The following NRG2 variants were observed in gnomAD, a reference collection of about 807,000 sequenced individuals.
The protein encoded by NRG2 is pro-neuregulin-2, membrane-bound isoform.
NRG2 carries 27 observed loss-of-function variants against 73.9 expected under a neutral mutation model. The observed-to-expected ratio is 0.37, with a 90% CI of 0.27 to 0.50. The LOEUF is 0.50. Ranked by LOEUF, NRG2 falls within the 20% of genes least tolerant of loss-of-function variation. NRG2 has a pLI of 0.96. For missense variants in NRG2, 1,126 were observed against 1,210.1 expected (o/e 0.93, Z 1.03); for synonymous variants, 532 against 541.0 (o/e 0.98, Z 0.23).
At position 139,856,530 on chromosome 5, in the gene NRG2, T is replaced by C. The variant is rs1189185960; in HGVS notation, c.1190-752A>G. 1.3e-5 allele frequency: 2 copies of C among 152,344 alleles called. No individual in the cohort carries two copies. The allele number at this position is 152,344 out of a possible 1,614,324, so 9.4% of individuals were successfully genotyped here. ...AAGTAAAAGGTGACAGCGCTAGCTG[T>C]AGTCAAGGCTACAGCCCGGAGACCC... On this transcript the variant is annotated intron_variant, in intron 5 of 9. Transcript: ENST00000361474. The surrounding 1 kb of genome is among the most constrained non-coding windows in gnomAD (Gnocchi z 4.2).
At chr5:139,867,762 C>CTGTT (rs1554101256) in intron 4 of NRG2, among the ~76,000 whole-genome samples, 1 of 128,774 alleles carries the variant, frequency 7.8e-6, no homozygotes, top group Non-Finnish European at 1.6e-5. Flanking sequence ...GAAGGGAAAC[C>CTGTT]TGTGTGTGTG....
intron 4 of NRG2, among the ~76,000 whole-genome samples, chr5:139,867,285 A>G (rs1762523860): frequency 6.6e-6 from 1 of 152,160 alleles, no homozygotes; most frequent in Admixed American, 6.5e-5. Flanking sequence ...CAGGGGAGGC[A>G]GGAGGTTTGT....
intron 1 of NRG2, among the ~76,000 whole-genome samples, chr5:140,006,994 T>C (rs577922282): frequency 4.0e-4 from 61 of 152,306 alleles, no homozygotes; most frequent in Admixed American, 1.4e-3. Flanking sequence ...GTGGTAACTC[T>C]AGAATAGTGG....
At position 139,871,858 on chromosome 5, in the gene NRG2, C is replaced by A; in HGVS notation, c.992-17G>T. 6.2e-7 allele frequency: 1 copy of A among 1,612,610 alleles called. No individual in the cohort carries two copies. Among genetic ancestry groups the A allele is most frequent in the Non-Finnish European group, 8.5e-7 (1 of 1,179,040 alleles). ...TGGTGCTCACTGAGGGTATGAGAGACATGTGCCAGTGACGCACTGAGACTA... is the reference window on the plus strand; with the variant it reads ...TGGTGCTCACTGAGGGTATGAGAGAAATGTGCCAGTGACGCACTGAGACTA... On this transcript the variant is annotated splice_polypyrimidine_tract_variant and intron_variant, in intron 3 of 9. Transcript: ENST00000361474.
At chr5:140,041,862 G>A (rs1761948216) in intron 1 of NRG2, among the ~76,000 whole-genome samples, 3 of 152,138 alleles carry the variant, frequency 2.0e-5, no homozygotes, top group African/African-American at 7.2e-5. Flanking sequence ...GGAGAGGAAG[G>A]AGGGGGCGGG....
At chr5:139,914,465 C>T (rs576766106) in intron 1 of NRG2, among the ~76,000 whole-genome samples, 3 of 152,172 alleles carry the variant, frequency 2.0e-5, no homozygotes, top group Non-Finnish European at 4.4e-5. Context: ...ACCTTCCTCT[C>T]GCTGCTTTCC....
At chr5:139,979,429 A>T (rs1481428611) in intron 1 of NRG2, among the ~76,000 whole-genome samples, 1 of 152,126 alleles carries the variant, frequency 6.6e-6, no homozygotes, top group Non-Finnish European at 1.5e-5. Flanking sequence ...CCAAAATGAG[A>T]GACGTGGTCG....
At chr5:139,995,563 G>A (rs746657959) in intron 1 of NRG2, among the ~76,000 whole-genome samples, 3 of 152,194 alleles carry the variant, frequency 2.0e-5, no homozygotes, top group Admixed American at 6.5e-5. Flanking sequence ...GGAGCGGGCA[G>A]GCTCCCCAGT....
At chr5:139,966,182 C>A (rs769835120) in intron 1 of NRG2, among the ~76,000 whole-genome samples, 1 of 152,056 alleles carries the variant, frequency 6.6e-6, no homozygotes, top group Non-Finnish European at 1.5e-5. Context: ...CCATTGCCAA[C>A]GAAACACAGG....
At chr5:139,955,161 G>A (rs933897938) in intron 1 of NRG2, among the ~76,000 whole-genome samples, 2 of 152,208 alleles carry the variant, frequency 1.3e-5, no homozygotes, top group African/African-American at 4.8e-5. Flanking sequence ...GTAAAAGGCA[G>A]TTACAGGGTG....
At chr5:140,032,632 T>C (rs1761238123) in intron 1 of NRG2, among the ~76,000 whole-genome samples, 2 of 152,190 alleles carry the variant, frequency 1.3e-5, no homozygotes, top group Non-Finnish European at 1.5e-5. Flanking sequence ...CTTCACCATA[T>C]TTTAAATTAC....
chr5:139,887,612 G>A lies in NRG2; in HGVS notation c.701-101C>T. ...GCCACTGTCTTTGGGCTGGAACTGG[G>A]GAAGGGAAGGGTGATCCTGAGAGCC... On this transcript the variant is annotated intron_variant, in intron 1 of 9. Transcript: ENST00000361474. The surrounding 1 kb of genome is among the most constrained non-coding windows in gnomAD (Gnocchi z 4.5). The A allele has an allele frequency of 9.5e-7, 1 of 1,052,472 alleles. No individual in the cohort carries two copies. The highest frequency in any genetic ancestry group is 1.4e-6 in the Non-Finnish European group (1 of 712,504). The allele number at this position is 1,052,472 out of a possible 1,614,324, so 65.2% of individuals were successfully genotyped here. A position where few individuals can be genotyped will look rare whatever the true frequency, so the allele number is the denominator to read the frequency against.
At chr5:139,913,071 A>G (rs747376402) in intron 1 of NRG2, among the ~76,000 whole-genome samples, 1 of 152,090 alleles carries the variant, frequency 6.6e-6, no homozygotes, top group Non-Finnish European at 1.5e-5. Context: ...CAGTCTGTGG[A>G]TGTATGTGGG....
Position 139,865,041 on chromosome 5 carries a change from G to T in NRG2, c.1189+508C>A. 1.5e-6 allele frequency: 2 copies of T among 1,309,350 alleles called. No individual in the cohort carries two copies. Among genetic ancestry groups the T allele is most frequent in the Non-Finnish European group, 2.2e-6 (2 of 902,830 alleles). The allele number at this position is 1,309,350 out of a possible 1,614,324, so 81.1% of individuals were successfully genotyped here. ...CTACATCTCCCCCTAGTCTTGCTAA[G>T]CAAGGCCCCATCCCTCCCCAGGGGG... is the stretch of plus-strand genomic sequence containing the variant. On this transcript the variant is annotated intron_variant, in intron 5 of 9. Coordinates refer to ENST00000361474, the MANE Select transcript of NRG2 (RefSeq NM_004883.3). This position sits in a 1 kb window ranked among gnomAD's most constrained non-coding sequence, Gnocchi z 5.2.
intron 1 of NRG2, among the ~76,000 whole-genome samples, chr5:139,895,074 T>TTAAAGCTTCACCTGCCC (rs1764465352): frequency 6.6e-6 from 1 of 152,192 alleles, no homozygotes; most frequent in Admixed American, 6.5e-5. Context: ...GATTCCTGCC[T>TTAAAGCTTCACCTGCCC]TAAAGCTTCA....
chr5:139,858,118 T>C (rs907519098), intron 5 of NRG2, among the ~76,000 whole-genome samples: 1 of 152,224 alleles, frequency 6.6e-6, no homozygotes, highest in Non-Finnish European at 1.5e-5. Context: ...GTGACTCAAA[T>C]GCAACCCAAA....
At chr5:139,945,291 C>T (rs1027280504) in intron 1 of NRG2, among the ~76,000 whole-genome samples, 2 of 151,768 alleles carry the variant, frequency 1.3e-5, no homozygotes, top group Admixed American at 6.6e-5. Context: ...TTGCTTTTGT[C>T]GCCTGTCTTA....
At position 139,945,212 on chromosome 5, in the gene NRG2, C is replaced by T. The variant is rs553375731; in HGVS notation, c.701-57701G>A. 3.9e-5 allele frequency among the ~76,000 whole-genome samples: 6 copies of T among 152,142 alleles called. No individual in the cohort carries two copies. The East Asian group carries it at 9.6e-4, about 24-fold the overall frequency. On this transcript the variant is annotated intron_variant, in intron 1 of 9. Transcript: ENST00000361474. ...TCTTCCATTCTATAGGTTTTCTTTT[C>T]ACTCTATTGATTGTTTCCTTTGATA...
At position 139,852,388 on chromosome 5, in the gene NRG2, A is replaced by G; in HGVS notation, c.1544+44T>C. 3 of 1,597,350 alleles carry G rather than the reference A, an allele frequency of 1.9e-6. No individual in the cohort carries two copies. The highest frequency in any genetic ancestry group is 2.6e-6 in the Non-Finnish European group (3 of 1,172,244). The stretch of plus-strand genomic sequence containing the variant: ...TAAGTGGGCACTTTGCGCCAGATGA[A>G]GTATGTGAGTCTACAAGTTTCCATG... On this transcript the variant is annotated intron_variant, in intron 8 of 9. Coordinates refer to ENST00000361474, the MANE Select transcript of NRG2 (RefSeq NM_004883.3). This position sits in a 1 kb window ranked among gnomAD's most constrained non-coding sequence, Gnocchi z 4.4.
Sources: allele counts gnomAD v4.1 joint callset (sites outside exome capture counted in the v4.1 genomes callset), GRCh38; gene constraint gnomAD v4.1.1; non-coding constraint Gnocchi (gnomAD v3.1); transcripts MANE v1.5; gene names NCBI Gene and HGNC (gene_info 2026-07-23, HGNC 2026-07-21).